DAB1: variants seen among roughly 807,000 people sequenced by gnomAD.
DAB1 encodes the protein disabled homolog 1.
DAB1 carries 15 observed loss-of-function variants against 64.6 expected under a neutral mutation model. The observed-to-expected ratio is 0.23, with a 90% CI of 0.16 to 0.36. The LOEUF (loss-of-function observed/expected upper bound fraction) is 0.36, where lower values mean the gene tolerates loss of function less well. DAB1 is among the 10% of genes least tolerant of loss of function. DAB1 has a pLI of 1.00. For missense variants in DAB1, 596 were observed against 706.7 expected, an observed-to-expected ratio of 0.84 and a Z score of 1.78; for synonymous variants, 235 against 251.9, an observed-to-expected ratio of 0.93 and a Z score of 0.64.
intron 7 of DAB1, among the ~76,000 whole-genome samples, chr1:57,507,455 T>G (rs539278346): frequency 6.6e-6 from 1 of 152,316 alleles, no homozygotes; most frequent in South Asian, 2.1e-4. Context: ...GTTCTATATT[T>G]CCACCTCAAC....
chr1:57,382,943 C>A (rs1681503539), intron 1 of DAB1, among the ~76,000 whole-genome samples: 2 of 152,014 alleles, frequency 1.3e-5, no homozygotes, highest in Admixed American at 6.6e-5. Flanking sequence ...ACAAAAAAAT[C>A]CCTGCCTCAA....
upstream of DAB1, among the ~76,000 whole-genome samples, chr1:57,888,506 C>A (rs985812596): frequency 1.3e-5 from 2 of 152,128 alleles, no homozygotes; most frequent in African/African-American, 2.4e-5. Context: ...CAGTTTTACT[C>A]CTAGACACCT....
chr1:57,010,441 C>G (rs141367079), intron 14 of DAB1, among the ~76,000 whole-genome samples: 1 of 152,106 alleles, frequency 6.6e-6, no homozygotes, highest in African/African-American at 2.4e-5. Context: ...CAAAGTAGAA[C>G]GTAGACACCA....
At chr1:57,494,449 C>A (rs1644205486) in intron 7 of DAB1, among the ~76,000 whole-genome samples, 1 of 152,112 alleles carries the variant, frequency 6.6e-6, no homozygotes, top group Non-Finnish European at 1.5e-5. Flanking sequence ...GTTTAATGTG[C>A]CCAAGTGCAG....
intron 5 of DAB1, among the ~76,000 whole-genome samples, chr1:58,068,450 A>T (rs2100564914): frequency 6.6e-6 from 1 of 152,332 alleles, no homozygotes; most frequent in African/African-American, 2.4e-5. Flanking sequence ...TCAGAACCTC[A>T]AAAGAAAGAT....
At chr1:57,009,881 C>T (rs1321755774) in intron 14 of DAB1, among the ~76,000 whole-genome samples, 1 of 152,192 alleles carries the variant, frequency 6.6e-6, no homozygotes, top group Admixed American at 6.5e-5. Context: ...ACATCTCTCT[C>T]AAAGTAGCTG....
chr1:57,949,517 C>A (rs1185656433), intron 5 of DAB1, among the ~76,000 whole-genome samples: 5 of 146,576 alleles, frequency 3.4e-5, no homozygotes, highest in African/African-American at 1.3e-4. Flanking sequence ...CTATATCTGT[C>A]TGTCTGTCTG....
At chr1:58,491,288 CG>C (rs1238805570) in intron 3 of DAB1, among the ~76,000 whole-genome samples, 4 of 152,100 alleles carry the variant, frequency 2.6e-5, no homozygotes, top group Admixed American at 2.0e-4. Flanking sequence ...AAGGAACAAC[CG>C]GTACCAGCCG....
At chr1:57,420,384 C>T (rs962402646) in intron 1 of DAB1, among the ~76,000 whole-genome samples, 4 of 152,148 alleles carry the variant, frequency 2.6e-5, no homozygotes, top group Non-Finnish European at 5.9e-5. Flanking sequence ...TCTTCCTGTG[C>T]CCCAGTTTCC....
At chr1:57,918,452 T>C (rs1292142367) in intron 5 of DAB1, among the ~76,000 whole-genome samples, 4 of 152,178 alleles carry the variant, frequency 2.6e-5, no homozygotes, top group Admixed American at 6.5e-5. Flanking sequence ...AGGGGTGTCC[T>C]GCCTTTGTAA....
At chr1:58,387,066 A>C (rs182961668) in intron 3 of DAB1, among the ~76,000 whole-genome samples, 75 of 152,356 alleles carry the variant, frequency 4.9e-4, no homozygotes, top group Non-Finnish European at 8.1e-4. Flanking sequence ...ATCTCAAAAA[A>C]CAAAAACAAA....
At chr1:58,483,384 G>C in intron 3 of DAB1, among the ~76,000 whole-genome samples, 1 of 152,156 alleles carries the variant, frequency 6.6e-6, no homozygotes, top group African/African-American at 2.4e-5. Context: ...AGTCAGATGC[G>C]AGCCAGATAG....
At chr1:57,384,465 C>T (rs573031432) in intron 1 of DAB1, among the ~76,000 whole-genome samples, 1 of 152,164 alleles carries the variant, frequency 6.6e-6, no homozygotes, top group African/African-American at 2.4e-5. Context: ...TTTGTCTACC[C>T]ATATTCATAG....
intron 3 of DAB1, among the ~76,000 whole-genome samples, chr1:58,440,527 C>T (rs1442813197): frequency 6.6e-6 from 1 of 152,188 alleles, no homozygotes; most frequent in Non-Finnish European, 1.5e-5. Flanking sequence ...TTGACATTTT[C>T]CTTACAACTA....
intron 5 of DAB1, among the ~76,000 whole-genome samples, chr1:58,118,012 T>C (rs2100664219): frequency 6.6e-6 from 1 of 152,018 alleles, no homozygotes; most frequent in East Asian, 1.9e-4. Flanking sequence ...TCAAGTGATC[T>C]CCTACCTCAG....
In DAB1 at chr1:58,131,645, G is replaced by T. The variant is rs1557664371; in HGVS notation, n.387+18866C>A. On this transcript the variant is annotated intron_variant and non_coding_transcript_variant, in intron 5 of 20. Transcript: ENST00000485760. ...GTATAGATGGGTTTTTGGTGTGGATGTCCTTTCTGTTTGTTAGTTTTCCTT... is the reference window on the plus strand; with the variant it reads ...GTATAGATGGGTTTTTGGTGTGGATTTCCTTTCTGTTTGTTAGTTTTCCTT... Among the ~76,000 whole-genome samples the T allele has an allele frequency of 1.5e-5, 2 of 136,400 alleles. 1 individual carries two copies. The highest frequency in any genetic ancestry group is 6.0e-5 in the African/African-American group (2 of 33,364). The allele number at this position is 136,400 out of a possible 152,430, so 89.5% of individuals were successfully genotyped here.
intron 1 of DAB1, among the ~76,000 whole-genome samples, chr1:57,293,163 A>G (rs1044838485): frequency 6.6e-6 from 1 of 152,126 alleles, no homozygotes; most frequent in Non-Finnish European, 1.5e-5. Context: ...GCACTTCCCC[A>G]TCTTCCCAGT....
At chr1:58,292,573 G>A (rs139861592) in intron 4 of DAB1, among the ~76,000 whole-genome samples, 1 of 152,310 alleles carries the variant, frequency 6.6e-6, no homozygotes, top group East Asian at 1.9e-4. Context: ...ATGGTGTGGT[G>A]TGTGTTTAGA....
chr1:57,073,289 G>A (rs755581490), intron 4 of DAB1, among the ~76,000 whole-genome samples: 3 of 152,018 alleles, frequency 2.0e-5, no homozygotes, highest in African/African-American at 7.3e-5. Flanking sequence ...TTTCCCACCC[G>A]GTTCTGTCTT....
Sources: allele counts gnomAD v4.1 joint callset (sites outside exome capture counted in the v4.1 genomes callset), GRCh38; gene constraint gnomAD v4.1.1; transcripts MANE v1.5; gene names NCBI Gene and HGNC (gene_info 2026-07-23, HGNC 2026-07-21).